Variants in ZNF680 observed in about 807,000 individuals in gnomAD.
ZNF680 encodes the protein zinc finger protein 680.
In ZNF680, 6 loss-of-function variants were observed where a neutral mutation model predicts 12.1. The observed-to-expected ratio is 0.49, with a 90% CI of 0.27 to 0.98. The LOEUF (loss-of-function observed/expected upper bound fraction) is 0.98, where lower values mean the gene tolerates loss of function less well. Among genes scored for constraint, ZNF680 ranks in the 50% least tolerant of loss-of-function variants. The pLI, the probability that ZNF680 is intolerant of heterozygous loss-of-function variation, is 0.12. For synonymous variants in ZNF680, 170 were observed against 199.3 expected, an observed-to-expected ratio of 0.85 and a Z score of 1.24; for missense variants, 561 against 616.3, an observed-to-expected ratio of 0.91 and a Z score of 0.95.
chr7:64,555,342 T>C (rs1458009997), intron 1 of ZNF680, among the ~76,000 whole-genome samples: 2 of 94,852 alleles, frequency 2.1e-5, no homozygotes, highest in African/African-American at 8.1e-5. Context: ...TATAATTCAA[T>C]ACCAAAAAAA....
chr7:64,554,338 C>A (rs974901854), intron 1 of ZNF680, among the ~76,000 whole-genome samples: 1 of 152,048 alleles, frequency 6.6e-6, no homozygotes, highest in Non-Finnish European at 1.5e-5. Context: ...GTGAGGAGCT[C>A]CTCCGCCTGG....
chr7:64,528,675 C>T (rs1785695899), intron 3 of ZNF680, among the ~76,000 whole-genome samples: 1 of 152,134 alleles, frequency 6.6e-6, no homozygotes, highest in African/African-American at 2.4e-5. Context: ...GCAGTATGTA[C>T]CCAAGGAGAG....
intron 1 of ZNF680, among the ~76,000 whole-genome samples, chr7:64,557,065 A>G (rs1420033456): frequency 2.0e-5 from 3 of 152,158 alleles, no homozygotes; most frequent in Non-Finnish European, 4.4e-5. Context: ...CCTGGCAAAC[A>G]TGGTAAAACC....
At chr7:64,506,812 A>T in the ZNF680 span, among the ~76,000 whole-genome samples, 1 of 152,152 alleles carries the variant, frequency 6.6e-6, no homozygotes. Context: ...TGCTATTGTG[A>T]GCAAGTCATT....
chr7:64,545,010 G>C (rs2116495541), intron 1 of ZNF680, among the ~76,000 whole-genome samples: 1 of 152,216 alleles, frequency 6.6e-6, no homozygotes, highest in African/African-American at 2.4e-5. Flanking sequence ...TGTAATCCCA[G>C]CACTCTGGGA....
intron 3 of ZNF680, among the ~76,000 whole-genome samples, chr7:64,527,914 C>T (rs1037257035): frequency 1.3e-5 from 2 of 152,100 alleles, no homozygotes; most frequent in Non-Finnish European, 2.9e-5. Context: ...CTGAAATGAC[C>T]CACAGATCCT....
At chr7:64,543,605 G>C in intron 3 of ZNF680, 102 bp downstream of exon 3, 1 of 1,006,018 alleles carries the variant, frequency 9.9e-7, no homozygotes, top group Non-Finnish European at 1.5e-6. Flanking sequence ...TATTTTCTCT[G>C]GAACATAGCT....
chr7:64,551,277 A>G (rs1330335352), intron 1 of ZNF680, among the ~76,000 whole-genome samples: 1 of 152,154 alleles, frequency 6.6e-6, no homozygotes, highest in Non-Finnish European at 1.5e-5. Context: ...AAACATTTGA[A>G]TAGTGTGCTA....
chr7:64,533,370 C>G (rs1040500854), intron 3 of ZNF680, among the ~76,000 whole-genome samples: 3 of 152,140 alleles, frequency 2.0e-5, no homozygotes, highest in Admixed American at 6.5e-5. Context: ...TATACACCAA[C>G]AGTGACCTAG....
At position 64,544,470 on chromosome 7, in the gene ZNF680, A is replaced by ACT. The variant is rs1491035873; in HGVS notation, c.31-40_31-39dup. 5 of 1,533,992 alleles carry ACT rather than the reference A, an allele frequency of 3.3e-6. No individual in the cohort carries two copies. The Admixed American group carries it at 5.6e-5, about 17-fold the overall frequency. On this transcript the variant is annotated intron_variant, in intron 1 of 3. Coordinates refer to ENST00000309683, the MANE Select transcript of ZNF680 (RefSeq NM_178558.5). Reference sequence around the variant, plus strand: ...CACACACACACACACACACACACACACTTATATATTTACTAAATGACCATG... The same window carrying ACT: ...CACACACACACACACACACACACACACTCTTATATATTTACTAAATGACCATG...
At chr7:64,549,049 G>C (rs893065630) in intron 1 of ZNF680, among the ~76,000 whole-genome samples, 1 of 151,842 alleles carries the variant, frequency 6.6e-6, no homozygotes, top group African/African-American at 2.4e-5. Flanking sequence ...GAACCCGGGA[G>C]GCAGAGGTTG....
rs545664093 is a variant in ZNF680 at position 64,526,372 on chromosome 7, A to T, written c.254-3872T>A. 3.7e-6 allele frequency: 5 copies of T among 1,335,888 alleles called. No homozygotes were observed. In the East Asian group the frequency reaches 1.2e-4, roughly 32 times the overall value. 82.8% of individuals were successfully genotyped at this position (1,335,888 alleles called of 1,614,324 possible). ...AAAGGTGACAGTGTTATGATTCATT[A>T]TGACTAGCACAGTTCTACATGAAGG... On this transcript the variant is annotated intron_variant, in intron 3 of 3. Coordinates refer to ENST00000309683, the MANE Select transcript of ZNF680 (RefSeq NM_178558.5).
At chr7:64,536,199 TAAGAG>T (rs1361462670) in intron 3 of ZNF680, among the ~76,000 whole-genome samples, 1 of 151,988 alleles carries the variant, frequency 6.6e-6, no homozygotes, top group African/African-American at 2.4e-5. Flanking sequence ...AATAAAAAAT[TAAGAG>T]AAAAGATTAA....
Position 64,521,255 on chromosome 7 carries a change from T to G in ZNF680, c.1499A>C (p.Asn500Thr). Residue 500 changes from asparagine to threonine, a missense_variant, in exon 4 of 4, where the codon AAC becomes ACC. Asn to Thr is a moderately conservative substitution (Grantham distance 65). Coordinates refer to ENST00000309683, the MANE Select transcript of ZNF680 (RefSeq NM_178558.5). ...ATGTCTAGTAAGGTGTGAGGACCGG[T>G]TAAAAGCTTTGCCACATTCTTCACA... ...YKCEECGKAF[N>T]RSSHLTRHKK... The G allele has an allele frequency of 6.2e-7, 1 of 1,613,692 alleles. No individual in the cohort carries two copies. Among genetic ancestry groups the G allele is most frequent in the Non-Finnish European group, 8.5e-7 (1 of 1,179,692 alleles).
At chr7:64,557,920 C>T (rs1787512424) in intron 1 of ZNF680, among the ~76,000 whole-genome samples, 1 of 151,980 alleles carries the variant, frequency 6.6e-6, no homozygotes, top group Admixed American at 6.6e-5. Flanking sequence ...ATGCATAGTA[C>T]CTCATTAACA....
chr7:64,518,793 TAGA>T (rs1791407151), downstream of ZNF680, among the ~76,000 whole-genome samples: 1 of 151,920 alleles, frequency 6.6e-6, no homozygotes, highest in East Asian at 1.9e-4. Context: ...AAGCCACATG[TAGA>T]AGAATAAAAC....
chr7:64,522,242 C>T lies in ZNF680; in HGVS notation c.512G>A (p.Ser171Asn), dbSNP rs750986757. Residue 171 changes from serine (S) to asparagine (N), a missense_variant, in exon 4 of 4, where the codon AGT (serine) becomes AAT (asparagine). Transcript: ENST00000309683. ...CTTTCCAGTATTTCTTTTCTTATGA[C>T]TGTTTGAATTTGAAAATTTATGAAA... ...KVFHKFSNSN[S>N]HKKRNTGKKV... 6.2e-7 allele frequency: 1 copy of T among 1,612,656 alleles called. No homozygotes were observed. The highest frequency in any genetic ancestry group is 1.1e-5 in the South Asian group (1 of 90,966).
At chr7:64,517,484 C>CCAGA (rs1217266093), downstream of ZNF680, among the ~76,000 whole-genome samples, 2 of 151,988 alleles carry the variant, frequency 1.3e-5, no homozygotes, top group African/African-American at 4.8e-5. Context: ...AAGTCCAAGA[C>CCAGA]CAGACAGACT....
At chr7:64,558,563 G>A (rs1787547001) in intron 1 of ZNF680, among the ~76,000 whole-genome samples, 2 of 152,096 alleles carry the variant, frequency 1.3e-5, no homozygotes, top group African/African-American at 4.8e-5. Context: ...AAGCTACAGG[G>A]CCCTGGAAAT....
Sources: gnomAD v4.1 joint callset for allele counts (sites outside exome capture counted in the v4.1 genomes callset) on GRCh38, gnomAD v4.1.1 for gene constraint, MANE v1.5 for transcripts, NCBI Gene and HGNC (gene_info 2026-07-23, HGNC 2026-07-21) for gene names.